Variants in TRAK1 observed in about 807,000 individuals in gnomAD.
TRAK1 encodes the protein trafficking kinesin protein 1, also known as trafficking kinesin-binding protein 1.
TRAK1 carries 33 observed loss-of-function variants against 92.1 expected under a neutral mutation model. The ratio of observed to expected loss-of-function variants is 0.36; its 90% CI spans 0.27 to 0.48. The LOEUF (loss-of-function observed/expected upper bound fraction) is 0.48. Among genes scored for constraint, TRAK1 ranks in the 20% least tolerant of loss-of-function variants. The pLI, the probability that TRAK1 is intolerant of heterozygous loss-of-function variation, is 0.99. For missense variants in TRAK1, 1,123 were observed against 1,257.9 expected (o/e 0.89, Z 1.62); for synonymous variants, 521 against 517.3 (o/e 1.01, Z -0.10).
At chr3:42,189,246 C>T (rs922896775) in intron 6 of TRAK1, 122 bp downstream of exon 6, 2 of 711,730 alleles carry the variant, frequency 2.8e-6, no homozygotes, top group Non-Finnish European at 4.9e-6. Context: ...AGAGCTGTAC[C>T]AGGCGCTCGG....
At chr3:42,217,807 G>A (rs11928109) in intron 14 of TRAK1, 97,544 of 985,008 alleles carry the variant, frequency 0.099, 8,706 homozygotes, top group African/African-American at 0.45. Flanking sequence ...ACCTTATTGC[G>A]GGAAGAGAAT....
intron 2 of TRAK1, among the ~76,000 whole-genome samples, chr3:42,170,886 T>C (rs541717202): frequency 8.1e-4 from 122 of 151,394 alleles, no homozygotes; most frequent in South Asian, 1.7e-3. Flanking sequence ...TGCAGTGGCA[T>C]GATCTCGGCT....
chr3:42,163,304 C>T (rs997633004), intron 2 of TRAK1, among the ~76,000 whole-genome samples: 1 of 152,142 alleles, frequency 6.6e-6, no homozygotes, highest in African/African-American at 2.4e-5. Context: ...GGCATGGTGG[C>T]TCACACCTGT....
rs140187539 is a variant in TRAK1 at position 42,092,359 on chromosome 3, C to T, written c.91+799C>T. 3.0e-4 allele frequency among the ~76,000 whole-genome samples: 45 copies of T among 152,324 alleles called. 1 individual carries two copies. In the East Asian group the frequency reaches 8.3e-3, roughly 28 times the overall value. ...AAGTGAGCTCCTGTTCCATTCCAGT[C>T]AGTTTTAGGCTTTAAAACATGTAAA... On this transcript the variant is annotated intron_variant, in intron 1 of 15. Transcript: ENST00000327628.
Position 42,223,854 on chromosome 3 carries a change from T to C in TRAK1, c.*117T>C. On this transcript the variant is annotated 3_prime_UTR_variant, in exon 16 of 16. Transcript: ENST00000327628. This position sits in a 1 kb window ranked among gnomAD's most constrained non-coding sequence, Gnocchi z 6.1. ...CCTCTGCCCTTCTCTGTCCACCCCC[T>C]CCTAAGCTAGACAAATCAACCTCGT... 2.5e-6 allele frequency: 3 copies of C among 1,207,302 alleles called. No homozygotes were observed. Among genetic ancestry groups the C allele is most frequent in the Admixed American group, 2.5e-5 (1 of 39,958 alleles). 74.8% of individuals were successfully genotyped at this position (1,207,302 alleles called of 1,614,324 possible). A position where few individuals can be genotyped will look rare whatever the true frequency, so the allele number is the denominator to read the frequency against.
chr3:42,046,773 C>T (rs1702767927), intron 1 of TRAK1, among the ~76,000 whole-genome samples: 1 of 152,104 alleles, frequency 6.6e-6, no homozygotes, highest in Non-Finnish European at 1.5e-5. Context: ...AAATTTTTCC[C>T]CCTAAGACTA....
intron 2 of TRAK1, among the ~76,000 whole-genome samples, chr3:42,142,381 C>T (rs1331625053): frequency 6.6e-6 from 1 of 152,180 alleles, no homozygotes. Context: ...TTACTGTTAT[C>T]ATTAGCAGCT....
chr3:42,126,147 T>C (rs1710533578), intron 2 of TRAK1, among the ~76,000 whole-genome samples: 1 of 146,282 alleles, frequency 6.8e-6, no homozygotes, highest in Admixed American at 6.8e-5. Flanking sequence ...GGAGCCAACT[T>C]TTTTTTTTTT....
At chr3:42,160,764 A>G (rs1414271937) in intron 2 of TRAK1, among the ~76,000 whole-genome samples, 1 of 151,518 alleles carries the variant, frequency 6.6e-6, no homozygotes. Context: ...TTGTTTTGCC[A>G]CTTCCCGATC....
chr3:42,146,229 T>C (rs1305263437), intron 2 of TRAK1: 1 of 306,496 alleles, frequency 3.3e-6, no homozygotes, highest in East Asian at 8.4e-5. Context: ...GCGTCTTCAA[T>C]AGCTGATGTC....
Position 42,030,372 on chromosome 3 carries a change from A to AAAAAT in TRAK1, c.-519+16256_-519+16257insAAATA, listed in dbSNP as rs540353037. Among the ~76,000 whole-genome samples, 1,224 of 132,288 alleles carry AAAAAT rather than the reference A, an allele frequency of 9.3e-3. 18 individuals carry two copies. Among genetic ancestry groups the AAAAAT allele is most frequent in the African/African-American group, 0.03 (1,062 of 35,854 alleles). 86.8% of individuals were successfully genotyped at this position (132,288 alleles called of 152,430 possible). A position where few individuals can be genotyped will look rare whatever the true frequency, so the allele number is the denominator to read the frequency against. ...GCGAGACCCTGTCTCTAAAAAAAAAAATATATATATATATATATGGCCGGG... is the reference window on the plus strand; with the variant it reads ...GCGAGACCCTGTCTCTAAAAAAAAAAAAAATATATATATATATATATATGGCCGGG... On this transcript the variant is annotated intron_variant, in intron 1 of 16. Transcript: ENST00000487159.
chr3:42,159,890 C>T (rs565043256), intron 2 of TRAK1, among the ~76,000 whole-genome samples: 1 of 152,338 alleles, frequency 6.6e-6, no homozygotes, highest in African/African-American at 2.4e-5. Context: ...TCCGCCAGCG[C>T]CCCACCTTTA....
At chr3:42,171,616 T>C (rs1480733320) in intron 2 of TRAK1, among the ~76,000 whole-genome samples, 1 of 152,122 alleles carries the variant, frequency 6.6e-6, no homozygotes, top group Non-Finnish European at 1.5e-5. Context: ...CTCTGCTCCT[T>C]CCCACTTCTC....
At chr3:42,152,298 T>C (rs986485488) in intron 2 of TRAK1, among the ~76,000 whole-genome samples, 14 of 152,204 alleles carry the variant, frequency 9.2e-5, no homozygotes, top group Non-Finnish European at 1.9e-4. Flanking sequence ...TGTCTTCAAG[T>C]AACTTTTACG....
chr3:42,043,052 C>A (rs1702610641), intron 1 of TRAK1, among the ~76,000 whole-genome samples: 3 of 152,102 alleles, frequency 2.0e-5, no homozygotes, highest in Admixed American at 6.5e-5. Flanking sequence ...ATCCTGGGGA[C>A]TCTGACTTTA....
At chr3:42,109,860 C>A (rs1452656969) in intron 1 of TRAK1, among the ~76,000 whole-genome samples, 1 of 151,800 alleles carries the variant, frequency 6.6e-6, no homozygotes, top group African/African-American at 2.4e-5. Context: ...GGACAGAAAA[C>A]CAAACACCGC....
intron 2 of TRAK1, among the ~76,000 whole-genome samples, chr3:42,133,908 A>G (rs933528927): frequency 6.6e-6 from 1 of 152,184 alleles, no homozygotes; most frequent in Non-Finnish European, 1.5e-5. Context: ...CACTTTTTTT[A>G]TAGCAATGTA....
chr3:42,027,057 T>G (rs914464282), intron 1 of TRAK1, among the ~76,000 whole-genome samples: 4 of 152,226 alleles, frequency 2.6e-5, no homozygotes, highest in African/African-American at 9.7e-5. Flanking sequence ...TATAGTTGTT[T>G]CCTACTGTTT....
chr3:42,155,839 C>T (rs1700469678), intron 2 of TRAK1, among the ~76,000 whole-genome samples: 1 of 152,086 alleles, frequency 6.6e-6, no homozygotes, highest in Admixed American at 6.5e-5. Flanking sequence ...TGGCTTGTGG[C>T]CACTCTTTGG....
Sources: allele counts gnomAD v4.1 joint callset (sites outside exome capture counted in the v4.1 genomes callset), GRCh38; gene constraint gnomAD v4.1.1; non-coding constraint Gnocchi (gnomAD v3.1); transcripts MANE v1.5; gene names NCBI Gene and HGNC (gene_info 2026-07-23, HGNC 2026-07-21).